Variants in CFAP70 observed in about 807,000 individuals in gnomAD.
CFAP70 encodes the protein cilia and flagella associated protein 70.
In CFAP70, 81 loss-of-function variants were observed where a neutral mutation model predicts 137.6. The observed-to-expected ratio is 0.59, with a 90% CI of 0.49 to 0.71. The LOEUF (loss-of-function observed/expected upper bound fraction) is 0.71, where lower values mean the gene tolerates loss of function less well. CFAP70 is among the 30% of genes least tolerant of loss of function. The pLI, the probability that CFAP70 is intolerant of heterozygous loss-of-function variation, is 0.00. For synonymous variants in CFAP70, 382 were observed against 423.6 expected (o/e 0.90, Z 1.20); for missense variants, 976 against 1,226.7 (o/e 0.80, Z 3.05).
chr10:73,333,596 G>A (rs527371820), intron 7 of CFAP70, among the ~76,000 whole-genome samples: 4 of 151,700 alleles, frequency 2.6e-5, no homozygotes, highest in East Asian at 2.0e-4. Context: ...AGACAGTAGC[G>A]CAAACTATTT....
intron 25 of CFAP70, among the ~76,000 whole-genome samples, chr10:73,258,509 T>G (rs377431680): frequency 6.6e-6 from 1 of 152,368 alleles, no homozygotes; most frequent in East Asian, 1.9e-4. Context: ...ACAAATTGTT[T>G]GTAGAGCACG....
chr10:73,312,984 A>G (rs189443093), intron 9 of CFAP70, among the ~76,000 whole-genome samples: 244 of 152,318 alleles, frequency 1.6e-3, no homozygotes, highest in African/African-American at 5.5e-3. Flanking sequence ...CTGTAATCCC[A>G]GAACTTTGGC....
Position 73,290,013 on chromosome 10 carries a change from C to G in CFAP70, c.2239+1213G>C, listed in dbSNP as rs569365663. On this transcript the variant is annotated intron_variant, in intron 19 of 26. Coordinates refer to ENST00000310715, the Ensembl canonical transcript of CFAP70. ...TGAGCCAAGATCTCACCACTGCACT[C>G]CAGCCTGGGTGACAGAGCAAGACTC... is the stretch of plus-strand genomic sequence containing the variant. 7.6e-5 allele frequency among the ~76,000 whole-genome samples: 11 copies of G among 145,440 alleles called. No homozygotes were observed. The South Asian group carries it at 2.2e-3, about 29-fold the overall frequency.
intron 1 of CFAP70, among the ~76,000 whole-genome samples, chr10:73,356,729 T>C (rs1401378725): frequency 6.6e-6 from 1 of 152,212 alleles, no homozygotes; most frequent in Admixed American, 6.5e-5. Context: ...GACAACTTCT[T>C]TGTCAAATGT....
intron 26 of CFAP70, 122 bp downstream of exon 27, chr10:73,256,247 G>A (rs537964213): frequency 4.6e-6 from 5 of 1,096,200 alleles, no homozygotes; most frequent in South Asian, 1.4e-5. Flanking sequence ...TGGCAAAGAT[G>A]GTAAGAAAAG....
At chr10:73,276,478 A>T (rs559885225) in intron 21 of CFAP70, 1 of 152,278 alleles carries the variant, frequency 6.6e-6, no homozygotes, top group South Asian at 2.1e-4. Context: ...CTAATGACTT[A>T]TTTAGCTGTG....
chr10:73,339,139 G>A (rs1036302335), intron 6 of CFAP70, among the ~76,000 whole-genome samples: 8 of 151,572 alleles, frequency 5.3e-5, no homozygotes, highest in Admixed American at 4.6e-4. Flanking sequence ...GGCTAATCTC[G>A]AACTCCTGAC....
chr10:73,275,320 G>C lies in CFAP70; in HGVS notation c.2673+126C>G, dbSNP rs1387357192. The C allele has an allele frequency of 1.8e-6, 2 of 1,117,344 alleles. No homozygotes were observed. The highest frequency in any genetic ancestry group is 2.5e-6 in the Non-Finnish European group (2 of 790,220). 69.2% of individuals were successfully genotyped at this position (1,117,344 alleles called of 1,614,324 possible). A position where few individuals can be genotyped will look rare whatever the true frequency, so the allele number is the denominator to read the frequency against. On this transcript the variant is annotated intron_variant, in intron 22 of 26. Coordinates refer to ENST00000310715, the Ensembl canonical transcript of CFAP70. The surrounding 1 kb of genome is among the most constrained non-coding windows in gnomAD (Gnocchi z 4.0). Reference sequence around the variant, plus strand: ...AGAAAAGCAAATGGAAGGGTATAGAGAGATGAGTTTACTGACAGCTGATGA... The same window carrying C: ...AGAAAAGCAAATGGAAGGGTATAGACAGATGAGTTTACTGACAGCTGATGA...
intron 19 of CFAP70, chr10:73,278,979 C>CA (rs398046078): frequency 0.02 from 1,438 of 71,418 alleles, 21 homozygotes; most frequent in Middle Eastern, 0.043. Flanking sequence ...GACTCCGTCT[C>CA]AAAAAAAAAA....
At chr10:73,362,138 C>T (rs1394465548), upstream of CFAP70, among the ~76,000 whole-genome samples, 1 of 152,142 alleles carries the variant, frequency 6.6e-6, no homozygotes, top group African/African-American at 2.4e-5. Context: ...AGATGATCTA[C>T]TGGGATGTGG....
At position 73,298,789 on chromosome 10, in the gene CFAP70, C is replaced by T. The variant is rs2048722716; in HGVS notation, c.1512+118G>A. 5.9e-6 allele frequency: 5 copies of T among 852,144 alleles called. No individual in the cohort carries two copies. The South Asian group carries it at 8.6e-5, about 15-fold the overall frequency. The allele number at this position is 852,144 out of a possible 1,614,324, so 52.8% of individuals were successfully genotyped here. On this transcript the variant is annotated intron_variant, in intron 14 of 26. Transcript: ENST00000310715. ...TATCATAGAGAACTTAGCTCTTTGC[C>T]CCACCAAGAAAGGTAAGAGTATAGC...
intron 11 of CFAP70, among the ~76,000 whole-genome samples, chr10:73,310,987 C>T (rs1254980488): frequency 1.3e-5 from 2 of 152,102 alleles, no homozygotes; most frequent in Admixed American, 6.5e-5. Flanking sequence ...CTCTTTTTTT[C>T]ATACCCTTGC....
intron 25 of CFAP70, among the ~76,000 whole-genome samples, chr10:73,262,053 T>G (rs1238404737): frequency 2.2e-5 from 3 of 137,544 alleles, no homozygotes; most frequent in Non-Finnish European, 4.6e-5. Context: ...ATATTATATA[T>G]TATATATGTA....
intron 14 of CFAP70, among the ~76,000 whole-genome samples, chr10:73,298,516 C>A (rs887527822): frequency 1.3e-5 from 2 of 152,064 alleles, no homozygotes; most frequent in Non-Finnish European, 2.9e-5. Flanking sequence ...GGCCTCCTTT[C>A]TGATAACTGT....
At chr10:73,339,259 C>G (rs2053012079) in intron 6 of CFAP70, among the ~76,000 whole-genome samples, 1 of 152,190 alleles carries the variant, frequency 6.6e-6, no homozygotes, top group African/African-American at 2.4e-5. Context: ...GCCAGTCCTT[C>G]TGAAGTCTGA....
intron 25 of CFAP70, among the ~76,000 whole-genome samples, chr10:73,264,649 A>G (rs938354380): frequency 1.7e-4 from 26 of 152,324 alleles, no homozygotes; most frequent in African/African-American, 6.3e-4. Flanking sequence ...GCCTAAAACT[A>G]TACTCTAAAA....
chr10:73,329,834 G>A (rs79170063), intron 8 of CFAP70, among the ~76,000 whole-genome samples: 7,114 of 152,174 alleles, frequency 0.047, 508 homozygotes, highest in African/African-American at 0.15. Flanking sequence ...AGTTGGCTGA[G>A]AAAAATTCTC....
In CFAP70 at chr10:73,275,744, A is replaced by T; in HGVS notation, c.2521-146T>A. ...CTCAACTTCAAAAGGTAAAGGGTGAATTACAAACATTCTGCACTTCATAGT... is the reference window on the plus strand; with the variant it reads ...CTCAACTTCAAAAGGTAAAGGGTGATTTACAAACATTCTGCACTTCATAGT... On this transcript the variant is annotated intron_variant, in intron 21 of 26. Transcript: ENST00000310715. The surrounding 1 kb of genome is among the most constrained non-coding windows in gnomAD (Gnocchi z 4.0). 1 of 701,586 alleles carries T rather than the reference A, an allele frequency of 1.4e-6. No homozygotes were observed. The highest frequency in any genetic ancestry group is 2.2e-6 in the Non-Finnish European group (1 of 463,032). 43.5% of individuals were successfully genotyped at this position (701,586 alleles called of 1,614,324 possible). A position where few individuals can be genotyped will look rare whatever the true frequency, so the allele number is the denominator to read the frequency against.
chr10:73,278,844 G>A (rs1243071240), intron 19 of CFAP70, among the ~76,000 whole-genome samples: 4 of 152,000 alleles, frequency 2.6e-5, no homozygotes, highest in Admixed American at 6.6e-5. Context: ...AGCCGGGCAC[G>A]GTGGCAGGCA....
Sources: gnomAD v4.1 joint callset for allele counts (sites outside exome capture counted in the v4.1 genomes callset) on GRCh38, gnomAD v4.1.1 for gene constraint, Gnocchi (gnomAD v3.1) non-coding constraint, MANE v1.5 for transcripts, NCBI Gene and HGNC (gene_info 2026-07-23, HGNC 2026-07-21) for gene names.